The following GUSB variants were observed in gnomAD, a reference collection of about 807,000 sequenced individuals.
The protein encoded by GUSB is glucuronidase beta, also known as beta-glucuronidase.
A neutral mutation model predicts 74.6 loss-of-function variants in GUSB; 51 were observed. That is an observed-to-expected ratio of 0.68 (90% CI 0.55 to 0.86). GUSB has a LOEUF of 0.86. Among genes scored for constraint, GUSB ranks in the 40% least tolerant of loss-of-function variants. The pLI, the probability that GUSB is intolerant of heterozygous loss-of-function variation, is 0.00. For missense variants in GUSB, 736 were observed against 853.7 expected, an observed-to-expected ratio of 0.86 and a Z score of 1.72; for synonymous variants, 360 against 348.3, an observed-to-expected ratio of 1.03 and a Z score of -0.37.
intron 1 of GUSB, 56 bp downstream of exon 1, chr7:65,981,918 C>T: frequency 6.8e-7 from 1 of 1,472,634 alleles, no homozygotes; most frequent in South Asian, 1.2e-5. Context: ...GCCCGGGCTC[C>T]CCTACTCCCA....
At chr7:65,973,131 C>A (rs112760752) in intron 8 of GUSB, among the ~76,000 whole-genome samples, 1 of 152,080 alleles carries the variant, frequency 6.6e-6, no homozygotes, top group Non-Finnish European at 1.5e-5. Flanking sequence ...AGGAGTTCCA[C>A]GCCAGCCTGG....
chr7:65,970,258 T>G (rs953574901), intron 9 of GUSB, 24 bp downstream of exon 9: 5 of 1,482,790 alleles, frequency 3.4e-6, no homozygotes, highest in Non-Finnish European at 4.7e-6. Context: ...CAGGGAGAAG[T>G]GGGGTGGGGA....
intron 11 of GUSB, 70 bp downstream of exon 11, chr7:65,964,253 C>T: frequency 7.6e-7 from 1 of 1,310,380 alleles, no homozygotes. Flanking sequence ...ATTGAAATGG[C>T]CAGAATTGGA....
chr7:65,975,393 T>A (rs368834470), intron 5 of GUSB: 19 of 379,504 alleles, frequency 5.0e-5, no homozygotes, highest in East Asian at 3.8e-4. Context: ...AAAAAAAAAA[T>A]GTTTTTCTTC....
At position 65,974,789 on chromosome 7, in the gene GUSB, T is replaced by G. The variant is rs931670370; in HGVS notation, c.1066-85A>C. 3 of 1,558,272 alleles carry G rather than the reference T, an allele frequency of 1.9e-6. No individual in the cohort carries two copies. In the African/African-American group the frequency reaches 4.1e-5, roughly 21 times the overall value. On this transcript the variant is annotated intron_variant, in intron 6 of 11. Coordinates refer to ENST00000304895, the MANE Select transcript of GUSB (RefSeq NM_000181.4). The stretch of plus-strand genomic sequence containing the variant: ...GCCAGGACCCTGGAGAGCCACCCCA[T>G]GAGCCCCCTCTCCATTTGGAGCCAT...
chr7:65,966,689 T>C (rs1484482391), intron 10 of GUSB, among the ~76,000 whole-genome samples: 1 of 151,652 alleles, frequency 6.6e-6, no homozygotes, highest in Non-Finnish European at 1.5e-5. Context: ...GAGGCTGAGG[T>C]GGAAGAATTA....
chr7:65,965,074 A>ATAT (rs1790744784), intron 10 of GUSB, among the ~76,000 whole-genome samples: 3 of 118,694 alleles, frequency 2.5e-5, no homozygotes, highest in Non-Finnish European at 3.7e-5. Flanking sequence ...GTCTCTAATA[A>ATAT]ATATATATAT....
chr7:65,972,574 C>G (rs13245858), intron 8 of GUSB, among the ~76,000 whole-genome samples: 4,147 of 152,240 alleles, frequency 0.027, 73 homozygotes, highest in Admixed American at 0.049. Flanking sequence ...TGGCACAGAT[C>G]AGAAAAGAAC....
rs1380900043 is a variant in GUSB at position 65,974,249 on chromosome 7, A to G, written c.1391+46T>C. On this transcript the variant is annotated intron_variant, in intron 8 of 11. Coordinates refer to ENST00000304895, the MANE Select transcript of GUSB (RefSeq NM_000181.4). Reference sequence around the variant, plus strand: ...TGCCCACCGAGGCCAGCCACCTGCCAGGGTCTCCTTCCCACTCTAGCCGAG... The same window carrying G: ...TGCCCACCGAGGCCAGCCACCTGCCGGGGTCTCCTTCCCACTCTAGCCGAG... 22 of 1,605,184 alleles carry G rather than the reference A, an allele frequency of 1.4e-5. 1 individual carries two copies. The South Asian group carries it at 2.0e-4, about 14-fold the overall frequency.
At chr7:65,981,849 AC>A (rs1792048546) in intron 1 of GUSB, 124 bp downstream of exon 1, 1 of 842,190 alleles carries the variant, frequency 1.2e-6, no homozygotes, top group Admixed American at 2.8e-5. Flanking sequence ...AAGCCCGTTG[AC>A]CTTTAACCTC....
intron 9 of GUSB, among the ~76,000 whole-genome samples, chr7:65,969,379 A>AAAAT (rs893231338): frequency 1.7e-3 from 252 of 151,946 alleles, no homozygotes; most frequent in African/African-American, 5.6e-3. Flanking sequence ...ATTCCATCTC[A>AAAAT]AAATAAATAA....
In GUSB at chr7:65,974,611, G is replaced by C; in HGVS notation, c.1159C>G (p.Pro387Ala). 2 of 1,614,126 alleles carry C rather than the reference G, an allele frequency of 1.2e-6. No homozygotes were observed. The highest frequency in any genetic ancestry group is 1.7e-6 in the Non-Finnish European group (2 of 1,179,998). ...GANAFRTSHY[P>A]YAEEVMQMCD... ...ATCTGCATCACTTCCTCTGCATAGG[G>C]GTAGTGGCTGGTACGGAAAGCGTTG... Residue 387 changes from proline (P) to alanine (A), a missense_variant, in exon 7 of 12, where the codon CCC (proline) becomes GCC (alanine). Pro to Ala is a conservative substitution (Grantham distance 27, BLOSUM62 -1). Transcript: ENST00000304895.
chr7:65,970,378 A>G lies in GUSB; in HGVS notation c.1392-12T>C. The G allele has an allele frequency of 1.3e-6, 2 of 1,596,698 alleles. No homozygotes were observed. Among genetic ancestry groups the G allele is most frequent in the Non-Finnish European group, 8.6e-7 (1 of 1,164,750 alleles). The stretch of plus-strand genomic sequence containing the variant: ...GAGCGATCACCATCCTGTCCACAAA[A>G]GGCAGAAGAAACAGGTTCCATCAGT... On this transcript the variant is annotated splice_polypyrimidine_tract_variant and intron_variant, in intron 8 of 11. Transcript: ENST00000304895.
intron 4 of GUSB, among the ~76,000 whole-genome samples, chr7:65,977,886 C>T (rs1791693688): frequency 6.6e-6 from 1 of 152,126 alleles, no homozygotes; most frequent in Admixed American, 6.5e-5. Context: ...TCTCAGCTCA[C>T]TGCAAGCTCT....
At position 65,980,348 on chromosome 7, in the gene GUSB, C is replaced by T. The variant is rs147454954; in HGVS notation, c.272G>A (p.Arg91His). The T allele has an allele frequency of 1.2e-5, 20 of 1,613,772 alleles. No homozygotes were observed. Among genetic ancestry groups the T allele is most frequent in the Middle Eastern group, 1.6e-4 (1 of 6,084 alleles). The change falls in exon 2 of 12, where the codon CGT becomes CAT. Residue 91 changes from arginine (R) to histidine (H), a missense_variant. Physicochemically the swap from Arg to His is conservative, Grantham distance 29. Transcript: ENST00000304895. ...SSFNDISQDW[R>H]LRHFVGWVWY... ...CACCCAGCCGACAAAATGCCGCAGA[C>T]GCCAGTCCTGGCTGATGTCATTGAA...
In GUSB at chr7:65,974,319, A is replaced by C. The variant is rs1370726458; in HGVS notation, c.1367T>G (p.Leu456Arg). 1 of 1,614,036 alleles carries C rather than the reference A, an allele frequency of 6.2e-7. No individual in the cohort carries two copies. Among genetic ancestry groups the C allele is most frequent in the South Asian group, 1.1e-5 (1 of 91,066 alleles). ...CTTCAAGTAGTAGCCAGCAGATTCT[A>C]GGTGGGACGCAGGCTCGTTGGCCAC... ...WSVANEPASH[L>R]ESAGYYLKMV... Residue 456 changes from leucine (L) to arginine (R), a missense_variant, in exon 8 of 12, where the codon CTA becomes CGA. Coordinates refer to ENST00000304895, the MANE Select transcript of GUSB (RefSeq NM_000181.4).
At chr7:65,974,862 C>G in intron 6 of GUSB, 57 bp downstream of exon 6, 2 of 1,595,056 alleles carry the variant, frequency 1.3e-6, no homozygotes, top group Non-Finnish European at 1.7e-6. Context: ...ACAGGGAAGG[C>G]GAAAGTGGAG....
chr7:65,964,552 ATC>A (rs1019440360), intron 10 of GUSB, 94 bp from the exon 11 acceptor site: 12 of 1,158,270 alleles, frequency 1.0e-5, no homozygotes, highest in African/African-American at 7.6e-5. Context: ...TGACCAAAAT[ATC>A]TGTCTTCACA....
intron 4 of GUSB, among the ~76,000 whole-genome samples, chr7:65,977,035 G>GT (rs1285336701): frequency 6.6e-6 from 1 of 152,044 alleles, no homozygotes. Flanking sequence ...CGTGCTTACA[G>GT]TAACACCTCT....
Sources: gnomAD v4.1 joint callset for allele counts (sites outside exome capture counted in the v4.1 genomes callset) on GRCh38, gnomAD v4.1.1 for gene constraint, MANE v1.5 for transcripts, NCBI Gene and HGNC (gene_info 2026-07-23, HGNC 2026-07-21) for gene names.